Variants in L3MBTL4 observed in about 807,000 individuals in gnomAD.
The protein encoded by L3MBTL4 is L3MBTL histone methyl-lysine binding protein 4, also known as lethal(3)malignant brain tumor-like protein 4.
L3MBTL4 carries 70 observed loss-of-function variants against 84.5 expected under a neutral mutation model. That is an observed-to-expected ratio of 0.83 (90% confidence interval 0.68 to 1.01). The LOEUF (loss-of-function observed/expected upper bound fraction) is 1.01, where lower values mean the gene tolerates loss of function less well. Ranked by LOEUF, L3MBTL4 falls within the 50% of genes least tolerant of loss-of-function variation. L3MBTL4 has a pLI of 0.00. For synonymous variants in L3MBTL4, 274 were observed against 259.8 expected, an observed-to-expected ratio of 1.05 and a Z score of -0.52; for missense variants, 715 against 754.8, an observed-to-expected ratio of 0.95 and a Z score of 0.62.
chr18:6,326,796 G>T (rs1365912239), intron 1 of L3MBTL4: 2 of 152,146 alleles, frequency 1.3e-5, no homozygotes, highest in Non-Finnish European at 2.9e-5. Context: ...TATTGTTATT[G>T]ATGATGTCAT....
At chr18:6,076,939 T>C (rs1200606998) in intron 16 of L3MBTL4, among the ~76,000 whole-genome samples, 1 of 152,056 alleles carries the variant, frequency 6.6e-6, no homozygotes, top group Non-Finnish European at 1.5e-5. Flanking sequence ...CCAAGGAGCG[T>C]CTAACGGCGA....
At chr18:6,169,314 C>A (rs1265444669) in intron 13 of L3MBTL4, among the ~76,000 whole-genome samples, 3 of 152,198 alleles carry the variant, frequency 2.0e-5, no homozygotes, top group South Asian at 2.1e-4. Context: ...TTTGACCCAG[C>A]CATCCCATTA....
intron 4 of L3MBTL4, among the ~76,000 whole-genome samples, chr18:6,280,527 C>T (rs1489262518): frequency 6.6e-6 from 1 of 152,184 alleles, no homozygotes; most frequent in East Asian, 1.9e-4. Context: ...TTCCCATTTC[C>T]TTCAAGGAAA....
At chr18:6,108,191 A>G (rs186536768) in intron 14 of L3MBTL4, among the ~76,000 whole-genome samples, 3 of 152,334 alleles carry the variant, frequency 2.0e-5, no homozygotes, top group Non-Finnish European at 4.4e-5. Flanking sequence ...AATGACAGCC[A>G]TAAATGGTCG....
intron 15 of L3MBTL4, among the ~76,000 whole-genome samples, chr18:6,086,633 T>A (rs925483003): frequency 1.3e-5 from 2 of 152,182 alleles, no homozygotes; most frequent in Non-Finnish European, 2.9e-5. Flanking sequence ...GTTTTCCATA[T>A]GCACAATATT....
chr18:5,982,504 G>A (rs1258578782), intron 16 of L3MBTL4, among the ~76,000 whole-genome samples: 2 of 152,168 alleles, frequency 1.3e-5, no homozygotes, highest in African/African-American at 2.4e-5. Context: ...TTTTGCAGAA[G>A]CACAGAAGCA....
At chr18:6,253,423 C>T (rs765730925) in intron 5 of L3MBTL4, among the ~76,000 whole-genome samples, 3 of 152,142 alleles carry the variant, frequency 2.0e-5, no homozygotes, top group Non-Finnish European at 4.4e-5. Context: ...ATAATGAGGA[C>T]CTCAGCCAGT....
At chr18:6,137,485 T>G (rs1266264262) in intron 14 of L3MBTL4, among the ~76,000 whole-genome samples, 1 of 152,246 alleles carries the variant, frequency 6.6e-6, no homozygotes, top group Admixed American at 6.5e-5. Context: ...ATGTATTATA[T>G]GACTTATTCT....
intron 17 of L3MBTL4, among the ~76,000 whole-genome samples, chr18:5,964,190 G>A (rs1027931137): frequency 1.9e-4 from 29 of 152,236 alleles, no homozygotes; most frequent in African/African-American, 6.8e-4. Flanking sequence ...TGTTTTGGAA[G>A]GACACTGAGA....
intron 12 of L3MBTL4, among the ~76,000 whole-genome samples, chr18:6,179,561 C>A (rs540949461): frequency 2.0e-5 from 3 of 152,272 alleles, no homozygotes; most frequent in African/African-American, 7.2e-5. Flanking sequence ...ATGCTTGCAC[C>A]GTGCCTTTAC....
rs36091567 is a variant in L3MBTL4 at position 6,099,585 on chromosome 18, A to AATATATATATATATATATATATATATAT, written c.1200-6058_1200-6057insATATATATATATATATATATATATATAT. Among the ~76,000 whole-genome samples the AATATATATATATATATATATATATATAT allele has an allele frequency of 8.4e-3, 544 of 64,540 alleles. 68 individuals carry two copies. Among genetic ancestry groups the AATATATATATATATATATATATATATAT allele is most frequent in the Admixed American group, 0.013 (61 of 4,728 alleles). The allele number at this position is 64,540 out of a possible 152,430, so 42.3% of individuals were successfully genotyped here. ...TATCTATAGATAGATAGATAATGTAAATATATATATATATATATATATGGA... is the reference window on the plus strand; with the variant it reads ...TATCTATAGATAGATAGATAATGTAAATATATATATATATATATATATATATATATATATATATATATATATATATGGA... On this transcript the variant is annotated intron_variant, in intron 14 of 18. Coordinates refer to ENST00000317931, the MANE Select transcript of L3MBTL4 (RefSeq NM_001330559.2).
chr18:6,185,960 C>CTTTATTTTATTTTAT (rs771825177), intron 12 of L3MBTL4, among the ~76,000 whole-genome samples: 2,326 of 145,846 alleles, frequency 0.016, 92 homozygotes, highest in African/African-American at 0.049. Flanking sequence ...AGGGCACTTT[C>CTTTATTTTATTTTAT]TTTATTTTAT....
intron 13 of L3MBTL4, among the ~76,000 whole-genome samples, chr18:6,164,340 C>T (rs2043529436): frequency 6.6e-6 from 1 of 152,224 alleles, no homozygotes; most frequent in Non-Finnish European, 1.5e-5. Flanking sequence ...TAGTGGTTCT[C>T]CCAGCACGCA....
chr18:6,230,980 G>C (rs1303901357), intron 10 of L3MBTL4, among the ~76,000 whole-genome samples: 1 of 152,012 alleles, frequency 6.6e-6, no homozygotes, highest in East Asian at 1.9e-4. Context: ...CCAGATATTA[G>C]ACTTTTGTCA....
intron 1 of L3MBTL4, among the ~76,000 whole-genome samples, chr18:6,363,294 C>A (rs2053789243): frequency 6.6e-6 from 1 of 152,118 alleles, no homozygotes; most frequent in Non-Finnish European, 1.5e-5. Context: ...AGGGGCAGCC[C>A]CTGATGGCTC....
At chr18:6,218,821 A>G (rs1028580701) in intron 10 of L3MBTL4, among the ~76,000 whole-genome samples, 6 of 152,140 alleles carry the variant, frequency 3.9e-5, no homozygotes, top group African/African-American at 1.4e-4. Flanking sequence ...GTCCTGGTAG[A>G]CCTTGGGAAG....
At chr18:6,155,361 T>C (rs2043058716) in intron 13 of L3MBTL4, among the ~76,000 whole-genome samples, 1 of 152,194 alleles carries the variant, frequency 6.6e-6, no homozygotes, top group South Asian at 2.1e-4. Flanking sequence ...AGAGGGTCAC[T>C]TCAAACATAG....
At chr18:6,010,452 T>C (rs1362012876) in intron 16 of L3MBTL4, among the ~76,000 whole-genome samples, 1 of 152,120 alleles carries the variant, frequency 6.6e-6, no homozygotes, top group Non-Finnish European at 1.5e-5. Flanking sequence ...AAATGAAGCC[T>C]CAACAAGTAC....
intron 3 of L3MBTL4, among the ~76,000 whole-genome samples, chr18:6,309,632 G>A (rs985059977): frequency 6.6e-6 from 1 of 152,136 alleles, no homozygotes; most frequent in African/African-American, 2.4e-5. Flanking sequence ...TCCCAATGTG[G>A]GGTAGAAATA....
Sources: gnomAD v4.1 joint callset for allele counts (sites outside exome capture counted in the v4.1 genomes callset) on GRCh38, gnomAD v4.1.1 for gene constraint, MANE v1.5 for transcripts, NCBI Gene and HGNC (gene_info 2026-07-23, HGNC 2026-07-21) for gene names.